UNC79: variants seen among roughly 807,000 people sequenced by gnomAD.
UNC79 encodes unc-79 subunit of NALCN channel complex.
Under a neutral mutation model 283.1 loss-of-function variants are expected in UNC79, and 37 were observed. The observed-to-expected ratio is 0.13, with a 90% CI of 0.10 to 0.17. The LOEUF is 0.17. Ranked by LOEUF, UNC79 falls within the 10% of genes least tolerant of loss-of-function variation. The pLI, the probability that UNC79 is intolerant of heterozygous loss-of-function variation, is 1.00. For missense variants in UNC79, 2,272 were observed against 3,211.1 expected (o/e 0.71, Z 7.07); for synonymous variants, 1,107 against 1,200.2 (o/e 0.92, Z 1.61).
exon 7 of UNC79, chr14:93,497,164 T>G: frequency 1.2e-6 from 2 of 1,610,128 alleles, no homozygotes; most frequent in Non-Finnish European, 1.7e-6. Context: ...TAGGATCTTT[T>G]GTATGTGATT....
chr14:93,660,031 A>G (rs1271210993), intron 39 of UNC79, among the ~76,000 whole-genome samples: 1 of 152,226 alleles, frequency 6.6e-6, no homozygotes, highest in Non-Finnish European at 1.5e-5. Flanking sequence ...CAATGAGACC[A>G]CAAGCTTCAA....
chr14:93,544,373 G>A (rs2061505186), intron 14 of UNC79, among the ~76,000 whole-genome samples: 1 of 152,198 alleles, frequency 6.6e-6, no homozygotes, highest in Non-Finnish European at 1.5e-5. Context: ...TTAATGCCAT[G>A]GGAGCTGGGC....
intron 14 of UNC79, among the ~76,000 whole-genome samples, chr14:93,564,400 A>G (rs2062749472): frequency 6.6e-6 from 1 of 152,208 alleles, no homozygotes; most frequent in Non-Finnish European, 1.5e-5. Flanking sequence ...GTTGGACATG[A>G]TCGGCAGGGA....
chr14:93,626,673 GAATTAA>G (rs1365942661), intron 30 of UNC79, among the ~76,000 whole-genome samples: 2 of 151,686 alleles, frequency 1.3e-5, no homozygotes, highest in Non-Finnish European at 2.9e-5. Flanking sequence ...ACATACTAAT[GAATTAA>G]AATTAAAAGA....
At chr14:93,642,540 C>T (rs374645248) in intron 33 of UNC79, among the ~76,000 whole-genome samples, 12 of 152,064 alleles carry the variant, frequency 7.9e-5, no homozygotes, top group African/African-American at 2.9e-4. Flanking sequence ...ACTGAAGAAG[C>T]GGTGGTGCCT....
At chr14:93,599,940 G>A (rs113747619) in intron 24 of UNC79, among the ~76,000 whole-genome samples, 65 of 152,294 alleles carry the variant, frequency 4.3e-4, no homozygotes, top group Middle Eastern at 3.4e-3. Flanking sequence ...GGTGGCTCGC[G>A]CCTGTAATCC....
intron 2 of UNC79, among the ~76,000 whole-genome samples, chr14:93,468,225 T>A (rs2140273221): frequency 6.6e-6 from 1 of 152,324 alleles, no homozygotes; most frequent in African/African-American, 2.4e-5. Flanking sequence ...TAGTTATTTT[T>A]AATCTGGGTA....
intron 10 of UNC79, among the ~76,000 whole-genome samples, chr14:93,530,981 G>C (rs1457617665): frequency 6.6e-6 from 1 of 152,142 alleles, no homozygotes; most frequent in East Asian, 1.9e-4. Context: ...GGGCTCATAT[G>C]GGTAAATTTA....
intron 47 of UNC79, among the ~76,000 whole-genome samples, chr14:93,701,136 A>C (rs1352018577): frequency 6.6e-6 from 1 of 152,194 alleles, no homozygotes; most frequent in Non-Finnish European, 1.5e-5. Flanking sequence ...TCCTGCTGCC[A>C]GTGCTACTGC....
chr14:93,434,269 A>C (rs2055998645), intron 1 of UNC79, among the ~76,000 whole-genome samples: 1 of 152,064 alleles, frequency 6.6e-6, no homozygotes, highest in African/African-American at 2.4e-5. Flanking sequence ...TAGTTTTTGG[A>C]GCCTTTAAAA....
chr14:93,464,381 C>T (rs2057077224), intron 1 of UNC79, among the ~76,000 whole-genome samples: 1 of 152,120 alleles, frequency 6.6e-6, no homozygotes, highest in South Asian at 2.1e-4. Context: ...CGTGGCCTTT[C>T]CTCTGTGTTC....
chr14:93,663,935 T>G (rs1290085760), intron 40 of UNC79, among the ~76,000 whole-genome samples: 1 of 152,188 alleles, frequency 6.6e-6, no homozygotes. Context: ...CTGTAGATAT[T>G]GATTACAGGG....
At chr14:93,467,131 A>G (rs1379794839) in intron 1 of UNC79, among the ~76,000 whole-genome samples, 1 of 152,192 alleles carries the variant, frequency 6.6e-6, no homozygotes, top group East Asian at 1.9e-4. Context: ...GCATTTACTA[A>G]ACACACTTTC....
At chr14:93,373,018 G>A (rs191035217) in intron 1 of UNC79, among the ~76,000 whole-genome samples, 1 of 152,202 alleles carries the variant, frequency 6.6e-6, no homozygotes, top group East Asian at 1.9e-4. Context: ...AAAGATAGTT[G>A]GAAAATTTCA....
At chr14:93,603,297 C>A in exon 26 of UNC79, 2 of 1,614,158 alleles carry the variant, frequency 1.2e-6, no homozygotes, top group Non-Finnish European at 1.7e-6. Context: ...TATGGAAGAT[C>A]AAGAGAGCTC....
intron 1 of UNC79, among the ~76,000 whole-genome samples, chr14:93,445,529 T>C (rs1486322515): frequency 6.6e-6 from 1 of 152,224 alleles, no homozygotes; most frequent in Non-Finnish European, 1.5e-5. Context: ...TTAGGGAGTT[T>C]TGTATCTGTG....
At chr14:93,530,041 G>A (rs552173974) in intron 10 of UNC79, among the ~76,000 whole-genome samples, 2 of 152,304 alleles carry the variant, frequency 1.3e-5, no homozygotes, top group South Asian at 2.1e-4. Flanking sequence ...TACTAAGTTT[G>A]AGTAGAGATC....
At position 93,629,196 on chromosome 14, in the gene UNC79, C is replaced by T. The variant is rs914441607; in HGVS notation, c.5609-1605C>T. 1.6e-4 allele frequency among the ~76,000 whole-genome samples: 25 copies of T among 152,162 alleles called. 1 individual carries two copies. The highest frequency in any genetic ancestry group is 5.3e-4 in the African/African-American group (22 of 41,426). ...ACTGGGCAATAGAGCAAGACTCCAT[C>T]TCACACACACTCATATACACACACA... is the stretch of plus-strand genomic sequence containing the variant. On this transcript the variant is annotated intron_variant, in intron 30 of 48. Coordinates refer to ENST00000555664, the Ensembl canonical transcript of UNC79.
chr14:93,487,579 C>A, intron 4 of UNC79, 84 bp from the exon 5 acceptor site: 2 of 1,059,016 alleles, frequency 1.9e-6, no homozygotes, highest in East Asian at 2.7e-5. Flanking sequence ...TTTTAAAGTT[C>A]CTTCTTATCT....
Sources: gnomAD v4.1 joint callset for allele counts (sites outside exome capture counted in the v4.1 genomes callset) on GRCh38, gnomAD v4.1.1 for gene constraint, MANE v1.5 for transcripts, NCBI Gene and HGNC (gene_info 2026-07-23, HGNC 2026-07-21) for gene names.